Variants in COL5A1 observed in about 807,000 individuals in gnomAD.
COL5A1 encodes collagen type V alpha 1 chain.
Under a neutral mutation model 263.7 loss-of-function variants are expected in COL5A1, and 16 were observed. That is an observed-to-expected ratio of 0.06 (90% CI 0.04 to 0.09). The LOEUF (loss-of-function observed/expected upper bound fraction) is 0.09, where lower values mean the gene tolerates loss of function less well. Among genes scored for constraint, COL5A1 ranks in the 10% least tolerant of loss-of-function variants. COL5A1 has a pLI of 1.00. For missense variants in COL5A1, 2,036 were observed against 2,540.5 expected (o/e 0.80, Z 4.27); for synonymous variants, 1,012 against 1,004.5 (o/e 1.01, Z -0.14).
intron 25 of COL5A1, among the ~76,000 whole-genome samples, chr9:134,770,953 GA>G (rs1408514504): frequency 6.6e-6 from 1 of 152,238 alleles, no homozygotes; most frequent in African/African-American, 2.4e-5. Flanking sequence ...ATCTGTAACT[GA>G]AAATATACCT....
At chr9:134,822,254 G>A (rs1162206214) in intron 59 of COL5A1, 104 bp downstream of exon 59, 12 of 1,022,722 alleles carry the variant, frequency 1.2e-5, no homozygotes, top group Non-Finnish European at 1.6e-5. Flanking sequence ...AAAGTCACAC[G>A]AGAAGCTGGA....
intron 65 of COL5A1, among the ~76,000 whole-genome samples, chr9:134,839,199 AAAT>A (rs1564190216): frequency 6.6e-6 from 1 of 152,222 alleles, no homozygotes; most frequent in Non-Finnish European, 1.5e-5. Flanking sequence ...GGAGAGGCAC[AAAT>A]CACCTGCAAG....
chr9:134,673,038 T>C (rs77187500), intron 1 of COL5A1, among the ~76,000 whole-genome samples: 16,723 of 152,244 alleles, frequency 0.11, 986 homozygotes, highest in Middle Eastern at 0.2. Context: ...TGCAAAGATA[T>C]ACCATTCTCA....
intron 22 of COL5A1, 61 bp from the exon 23 acceptor site, chr9:134,766,939 C>T (rs1319407362): frequency 1.3e-6 from 2 of 1,508,484 alleles, no homozygotes; most frequent in East Asian, 2.3e-5. Flanking sequence ...GCACACGACA[C>T]CCAGGAAGGG....
chr9:134,752,728 GC>G, intron 14 of COL5A1, 83 bp downstream of exon 14: 1 of 1,128,116 alleles, frequency 8.9e-7, no homozygotes, highest in Non-Finnish European at 1.3e-6. Context: ...GTGGCAGGTG[GC>G]CCTGGGGTCC....
At chr9:134,739,150 AGCCACACCACGTGGAATTG>A (rs946655675) in intron 11 of COL5A1, among the ~76,000 whole-genome samples, 4 of 152,218 alleles carry the variant, frequency 2.6e-5, no homozygotes, top group Non-Finnish European at 5.9e-5. Context: ...GCCCCTGGGC[AGCCACACCACGTGGAATTG>A]GCCACCCCCC....
At chr9:134,768,770 C>T (rs962888240) in intron 25 of COL5A1, among the ~76,000 whole-genome samples, 5 of 152,316 alleles carry the variant, frequency 3.3e-5, no homozygotes, top group South Asian at 4.1e-4. Context: ...AGGGCTGGGC[C>T]GGGCTCCAGG....
At chr9:134,645,506 T>C (rs2132461659) in intron 1 of COL5A1, among the ~76,000 whole-genome samples, 1 of 152,320 alleles carries the variant, frequency 6.6e-6, no homozygotes, top group South Asian at 2.1e-4. Flanking sequence ...TCTGGAACAG[T>C]GCAGGACCTG....
intron 4 of COL5A1, among the ~76,000 whole-genome samples, chr9:134,712,204 CT>C (rs1207657920): frequency 1.9e-5 from 1 of 54,026 alleles, no homozygotes; most frequent in Admixed American, 2.1e-4. Context: ...CCCCTTCTTC[CT>C]TTCCCCCCTC....
chr9:134,754,134 C>T lies in COL5A1; in HGVS notation c.1774-139C>T, dbSNP rs1220597791. On this transcript the variant is annotated intron_variant, in intron 15 of 65. Coordinates refer to ENST00000371817, the MANE Select transcript of COL5A1 (RefSeq NM_000093.5). The surrounding 1 kb of genome is among the most constrained non-coding windows in gnomAD (Gnocchi z 4.3). The stretch of plus-strand genomic sequence containing the variant: ...TTCATTCTGGGCAGCAGATCCGTGT[C>T]CCGTCCCCGAAGTGCCCACATGTTT... 3.2e-6 allele frequency: 3 copies of T among 926,560 alleles called. No individual in the cohort carries two copies. The highest frequency in any genetic ancestry group is 1.9e-5 in the Admixed American group (1 of 52,162). 57.4% of individuals were successfully genotyped at this position (926,560 alleles called of 1,614,324 possible). A position where few individuals can be genotyped will look rare whatever the true frequency, so the allele number is the denominator to read the frequency against.
At chr9:134,738,844 G>A (rs771443735) in intron 11 of COL5A1, 36 bp downstream of exon 11, 2 of 1,569,444 alleles carry the variant, frequency 1.3e-6, no homozygotes, top group Non-Finnish European at 8.8e-7. Flanking sequence ...GATCACACAA[G>A]GTGTGGGGCT....
At chr9:134,722,435 T>C (rs1489229189) in intron 4 of COL5A1, among the ~76,000 whole-genome samples, 2 of 152,166 alleles carry the variant, frequency 1.3e-5, no homozygotes, top group Non-Finnish European at 2.9e-5. Context: ...GCCAGCACCT[T>C]ATGCAGGGCC....
chr9:134,746,752 G>A (rs1243948984), intron 11 of COL5A1, among the ~76,000 whole-genome samples: 1 of 152,228 alleles, frequency 6.6e-6, no homozygotes, highest in Non-Finnish European at 1.5e-5. Context: ...CCAGCTAATG[G>A]AGTAACAGGA....
chr9:134,735,355 C>T (rs1163431909), intron 9 of COL5A1, among the ~76,000 whole-genome samples: 1 of 152,136 alleles, frequency 6.6e-6, no homozygotes, highest in African/African-American at 2.4e-5. Context: ...GTAAAAGTGC[C>T]TAAAGTGTAC....
At chr9:134,839,978 A>C (rs2132938132) in intron 65 of COL5A1, among the ~76,000 whole-genome samples, 1 of 152,104 alleles carries the variant, frequency 6.6e-6, no homozygotes, top group East Asian at 1.9e-4. Context: ...TCTGCCCCAC[A>C]CTCGGCATTC....
At chr9:134,801,517 G>A (rs1027045160) in intron 37 of COL5A1, among the ~76,000 whole-genome samples, 37 of 152,232 alleles carry the variant, frequency 2.4e-4, no homozygotes, top group African/African-American at 3.9e-4. Context: ...GCAAACGCAC[G>A]GTGGCTCACG....
intron 19 of COL5A1, 99 bp downstream of exon 19, chr9:134,762,077 C>T: frequency 7.8e-7 from 1 of 1,286,954 alleles, no homozygotes; most frequent in South Asian, 1.2e-5. Flanking sequence ...GTGGGATTGG[C>T]CTGCCGCATG....
rs532547729 is a variant in COL5A1 at position 134,744,112 on chromosome 9, G to A, written c.1494+5304G>A. ...GTCTGACTCCGAAGGAGTTAGCTTC[G>A]AGAAAAGCTGTGGGGAAGAAGCAAG... On this transcript the variant is annotated intron_variant, in intron 11 of 65. Coordinates refer to ENST00000371817, the MANE Select transcript of COL5A1 (RefSeq NM_000093.5). Among the ~76,000 whole-genome samples, 65 of 152,326 alleles carry A rather than the reference G, an allele frequency of 4.3e-4. 3 individuals carry two copies. In the South Asian group the frequency reaches 0.012, roughly 28 times the overall value.
At chr9:134,705,294 G>A (rs1019105498) in intron 4 of COL5A1, among the ~76,000 whole-genome samples, 3 of 152,200 alleles carry the variant, frequency 2.0e-5, no homozygotes, top group Admixed American at 6.5e-5. Flanking sequence ...CTAACGGCTG[G>A]TGCTGTGCCC....
Sources: allele counts gnomAD v4.1 joint callset (sites outside exome capture counted in the v4.1 genomes callset), GRCh38; gene constraint gnomAD v4.1.1; non-coding constraint Gnocchi (gnomAD v3.1); transcripts MANE v1.5; gene names NCBI Gene and HGNC (gene_info 2026-07-23, HGNC 2026-07-21).